Variants in LIMCH1 observed in about 807,000 individuals in gnomAD.
The protein encoded by LIMCH1 is LIM and calponin homology domains 1.
Under a neutral mutation model 176.5 loss-of-function variants are expected in LIMCH1, and 113 were observed. That is an observed-to-expected ratio of 0.64 (90% CI 0.55 to 0.75). The LOEUF is 0.75. Among genes scored for constraint, LIMCH1 ranks in the 30% least tolerant of loss-of-function variants. LIMCH1 has a pLI of 0.00. For synonymous variants in LIMCH1, 619 were observed against 645.9 expected, an observed-to-expected ratio of 0.96 and a Z score of 0.63; for missense variants, 1,674 against 1,814.9, an observed-to-expected ratio of 0.92 and a Z score of 1.41.
chr4:41,614,896 A>G (rs2091895873), intron 5 of LIMCH1, among the ~76,000 whole-genome samples: 3 of 152,192 alleles, frequency 2.0e-5, no homozygotes, highest in Non-Finnish European at 4.4e-5. Flanking sequence ...AGCTTAATTT[A>G]CCCACATTTC....
chr4:41,422,478 G>A (rs910846121), intron 1 of LIMCH1, among the ~76,000 whole-genome samples: 2 of 151,934 alleles, frequency 1.3e-5, no homozygotes, highest in Non-Finnish European at 2.9e-5. Context: ...GTGAGCCACC[G>A]TGCCAGGCCA....
chr4:41,627,019 GGTGTGTGTGTGTGTGT>G lies in LIMCH1; in HGVS notation c.1028+28_1028+43del. 1.4e-6 allele frequency: 2 copies of G among 1,407,820 alleles called. No individual in the cohort carries two copies. Among genetic ancestry groups the G allele is most frequent in the African/African-American group, 1.7e-5 (1 of 60,512 alleles). 87.2% of individuals were successfully genotyped at this position (1,407,820 alleles called of 1,614,324 possible). On this transcript the variant is annotated intron_variant, in intron 8 of 31. Transcript: ENST00000503057. ...AGTCTAGAATATAAAAGGTGTGCATGGTGTGTGTGTGTGTGTGTGTGTGTGTGTGTGTGTCTATGAA... is the reference window on the plus strand; with the variant it reads ...AGTCTAGAATATAAAAGGTGTGCATGGTGTGTGTGTGTGTGTGTCTATGAA...
chr4:41,525,671 C>T (rs543024093), intron 3 of LIMCH1, among the ~76,000 whole-genome samples: 1 of 151,598 alleles, frequency 6.6e-6, no homozygotes, highest in African/African-American at 2.4e-5. Context: ...TAGTTAATAT[C>T]GAGATAGATA....
In LIMCH1 at chr4:41,581,523, A is replaced by AATCC. The variant is rs1339200804; in HGVS notation, c.-240-17397_-240-17396insATCC. On this transcript the variant is annotated intron_variant, in intron 1 of 31. Coordinates refer to ENST00000503057, the MANE Select transcript of LIMCH1 (RefSeq NM_001330672.2). ...TCAGTGACTTTAAATTCCACAAGTGACAGCCGGGCGCAGTGGCTCACACCT... is the reference window on the plus strand; with the variant it reads ...TCAGTGACTTTAAATTCCACAAGTGAATCCCAGCCGGGCGCAGTGGCTCACACCT... Among the ~76,000 whole-genome samples the AATCC allele has an allele frequency of 2.6e-5, 4 of 152,016 alleles. No homozygotes were observed. In the South Asian group the frequency reaches 6.2e-4, roughly 24 times the overall value.
chr4:41,606,593 T>C (rs187319553), intron 4 of LIMCH1, among the ~76,000 whole-genome samples: 234 of 152,304 alleles, frequency 1.5e-3, no homozygotes, highest in African/African-American at 5.1e-3. Context: ...TCTTTGAGTA[T>C]AGAAAAGACT....
intron 14 of LIMCH1, among the ~76,000 whole-genome samples, chr4:41,641,277 A>G (rs1344682962): frequency 6.6e-6 from 1 of 152,270 alleles, no homozygotes; most frequent in Non-Finnish European, 1.5e-5. Flanking sequence ...ATCCCCAGAC[A>G]CACACCTCTT....
chr4:41,678,720 G>A (rs1053900207), intron 23 of LIMCH1, among the ~76,000 whole-genome samples: 28 of 151,836 alleles, frequency 1.8e-4, no homozygotes, highest in Admixed American at 1.0e-3. Flanking sequence ...GTGAGAGAGA[G>A]AGAGAGATCG....
chr4:41,465,956 T>TC (rs1382529358), intron 1 of LIMCH1, among the ~76,000 whole-genome samples: 1 of 79,348 alleles, frequency 1.3e-5, no homozygotes, highest in African/African-American at 7.0e-5. Flanking sequence ...GTTTGGCTCT[T>TC]TTTTTTTTTT....
chr4:41,598,929 A>T lies in LIMCH1; in HGVS notation c.-231A>T. On this transcript the variant is annotated 5_prime_UTR_variant, in exon 2 of 32. Transcript: ENST00000503057. The stretch of plus-strand genomic sequence containing the variant: ...CTTTTTTTCCTTCTAGGACAATATT[A>T]TCTTATTCTTGAGAGGTTGTAAAGA... 6.2e-7 allele frequency: 1 copy of T among 1,600,208 alleles called. No individual in the cohort carries two copies. Among genetic ancestry groups the T allele is most frequent in the African/African-American group, 1.3e-5 (1 of 74,722 alleles).
At chr4:41,509,416 C>T (rs1412440701) in intron 2 of LIMCH1, among the ~76,000 whole-genome samples, 1 of 152,164 alleles carries the variant, frequency 6.6e-6, no homozygotes, top group Non-Finnish European at 1.5e-5. Flanking sequence ...AAACTTGGGT[C>T]CTTTTTCCAT....
At chr4:41,562,193 C>T (rs1165781208) in intron 1 of LIMCH1, among the ~76,000 whole-genome samples, 1 of 152,222 alleles carries the variant, frequency 6.6e-6, no homozygotes, top group East Asian at 1.9e-4. Flanking sequence ...CCTCTCTCCA[C>T]TTTGCATGTT....
chr4:41,473,311 A>G (rs2067256095), intron 1 of LIMCH1: 2 of 402,102 alleles, frequency 5.0e-6, no homozygotes, highest in African/African-American at 4.3e-5. Flanking sequence ...AACGTGTTGC[A>G]TAATGGATGA....
chr4:41,441,316 T>G (rs2062678650), intron 1 of LIMCH1, among the ~76,000 whole-genome samples: 1 of 152,240 alleles, frequency 6.6e-6, no homozygotes, highest in Admixed American at 6.5e-5. Context: ...AAAGATCTAA[T>G]TAATGTATTT....
At chr4:41,514,005 T>TAAAAAAAAAAA (rs71198665) in intron 2 of LIMCH1, among the ~76,000 whole-genome samples, 15 of 48,526 alleles carry the variant, frequency 3.1e-4, no homozygotes, top group East Asian at 1.0e-3. Flanking sequence ...GACTCCGTCT[T>TAAAAAAAAAAA]AAAAAAAAAA....
chr4:41,691,816 T>C (rs568745306), intron 30 of LIMCH1, among the ~76,000 whole-genome samples: 1 of 152,256 alleles, frequency 6.6e-6, no homozygotes, highest in East Asian at 1.9e-4. Context: ...AATTTTGATC[T>C]GGTAGAACTT....
chr4:41,606,051 G>A (rs2090663272), intron 4 of LIMCH1, 47 bp downstream of exon 4: 1 of 1,336,468 alleles, frequency 7.5e-7, no homozygotes, highest in Non-Finnish European at 1.1e-6. Context: ...GACAAGGTGG[G>A]AAAGCTACAC....
At chr4:41,671,905 A>C (rs2095053202) in intron 22 of LIMCH1, among the ~76,000 whole-genome samples, 1 of 149,740 alleles carries the variant, frequency 6.7e-6, no homozygotes, top group African/African-American at 2.4e-5. Context: ...AAAAAAAAAA[A>C]AAGAGTATTC....
chr4:41,449,621 T>G (rs2063642354), intron 1 of LIMCH1, among the ~76,000 whole-genome samples: 2 of 152,272 alleles, frequency 1.3e-5, no homozygotes, highest in Middle Eastern at 3.4e-3. Context: ...GATAGATTCC[T>G]AGAATGTCGA....
rs141616391 is a variant in LIMCH1 at position 41,452,903 on chromosome 4, A to G, written c.97-41633A>G. On this transcript the variant is annotated intron_variant, in intron 1 of 26. Transcript: ENST00000313860. Reference sequence around the variant, plus strand: ...ATTAGCTGGTTCTTGAGGGTGGAGAAGATCTTCCTCATCTTTGCAGCACCC... The same window carrying G: ...ATTAGCTGGTTCTTGAGGGTGGAGAGGATCTTCCTCATCTTTGCAGCACCC... Among the ~76,000 whole-genome samples, 164 of 152,324 alleles carry G rather than the reference A, an allele frequency of 1.1e-3. 1 individual carries two copies. The highest frequency in any genetic ancestry group is 3.7e-3 in the African/African-American group (155 of 41,588).
Sources: gnomAD v4.1 joint callset for allele counts (sites outside exome capture counted in the v4.1 genomes callset) on GRCh38, gnomAD v4.1.1 for gene constraint, MANE v1.5 for transcripts, NCBI Gene and HGNC (gene_info 2026-07-23, HGNC 2026-07-21) for gene names.